NRXN3: variants seen among roughly 807,000 people sequenced by gnomAD.
The protein encoded by NRXN3 is neurexin 3, also known as neurexin III.
A neutral mutation model predicts 137.6 loss-of-function variants in NRXN3; 32 were observed. The ratio of observed to expected loss-of-function variants is 0.23; its 90% CI spans 0.18 to 0.31. NRXN3 has a LOEUF of 0.31. Ranked by LOEUF, NRXN3 falls within the 10% of genes least tolerant of loss-of-function variation. The pLI, the probability that NRXN3 is intolerant of heterozygous loss-of-function variation, is 1.00. For synonymous variants in NRXN3, 798 were observed against 784.5 expected, an observed-to-expected ratio of 1.02 and a Z score of -0.29; for missense variants, 1,574 against 2,062.5, an observed-to-expected ratio of 0.76 and a Z score of 4.59.
At chr14:78,252,549 G>C (rs1022633885) in intron 2 of NRXN3, among the ~76,000 whole-genome samples, 1 of 152,120 alleles carries the variant, frequency 6.6e-6, no homozygotes. Context: ...CTATTCATCC[G>C]ATCCTCTCCT....
intron 15 of NRXN3, among the ~76,000 whole-genome samples, chr14:79,286,586 T>A (rs1354716782): frequency 1.3e-5 from 2 of 149,780 alleles, no homozygotes. Flanking sequence ...CTGGTTGTTC[T>A]AAATCCTAAG....
intron 20 of NRXN3, chr14:79,853,546 C>T (rs2099396332): frequency 1.5e-6 from 2 of 1,349,970 alleles, no homozygotes; most frequent in Non-Finnish European, 2.0e-6. Flanking sequence ...CAGCCAGAAG[C>T]TCTAATGCAG....
chr14:79,087,917 C>T (rs1384436705), intron 15 of NRXN3, among the ~76,000 whole-genome samples: 1 of 152,144 alleles, frequency 6.6e-6, no homozygotes, highest in Admixed American at 6.6e-5. Flanking sequence ...GAGAATTAAT[C>T]GCCTGCTTGT....
At chr14:78,536,949 T>C (rs2153816733) in intron 4 of NRXN3, among the ~76,000 whole-genome samples, 1 of 152,350 alleles carries the variant, frequency 6.6e-6, no homozygotes, top group Non-Finnish European at 1.5e-5. Flanking sequence ...TCCTTTTTTA[T>C]GGCTGCATAG....
At chr14:78,853,793 C>A (rs1046719390) in intron 10 of NRXN3, among the ~76,000 whole-genome samples, 7 of 152,110 alleles carry the variant, frequency 4.6e-5, no homozygotes, top group African/African-American at 1.7e-4. Context: ...TGACTTCTAC[C>A]CTTCCCTTTT....
At chr14:78,565,090 CTG>C (rs1001168248) in intron 4 of NRXN3, among the ~76,000 whole-genome samples, 35 of 152,170 alleles carry the variant, frequency 2.3e-4, no homozygotes, top group African/African-American at 8.4e-4. Flanking sequence ...TAACTGTGCC[CTG>C]TGTGTTTTTC....
At chr14:79,156,913 A>G (rs965217531) in intron 15 of NRXN3, among the ~76,000 whole-genome samples, 3 of 151,822 alleles carry the variant, frequency 2.0e-5, no homozygotes, top group African/African-American at 7.2e-5. Context: ...GCATGGTAGA[A>G]TGTATAGCAG....
At chr14:79,115,240 G>A (rs544833780) in intron 15 of NRXN3, among the ~76,000 whole-genome samples, 50 of 150,428 alleles carry the variant, frequency 3.3e-4, no homozygotes, top group East Asian at 2.4e-3. Flanking sequence ...CAGGAGAATC[G>A]CTTGAACCTG....
At chr14:79,504,637 TTTTTTA>T (rs1204876958) in intron 16 of NRXN3, among the ~76,000 whole-genome samples, 17 of 61,510 alleles carry the variant, frequency 2.8e-4, no homozygotes, top group Middle Eastern at 0.01. Flanking sequence ...TAAAATGAAG[TTTTTTA>T]TATATATATA....
chr14:79,081,598 A>AGAGT, intron 15 of NRXN3, among the ~76,000 whole-genome samples: 1 of 140,844 alleles, frequency 7.1e-6, no homozygotes, highest in East Asian at 2.1e-4. Context: ...CCTGGGCGAC[A>AGAGT]GAGTGAGACT....
chr14:78,585,010 C>G (rs1466681958), intron 4 of NRXN3, among the ~76,000 whole-genome samples: 1 of 151,966 alleles, frequency 6.6e-6, no homozygotes, highest in African/African-American at 2.4e-5. Flanking sequence ...GCCAAACATA[C>G]AGAGCCCTAG....
chr14:79,303,747 TAAGTA>T (rs1566734672), intron 15 of NRXN3, among the ~76,000 whole-genome samples: 1 of 151,934 alleles, frequency 6.6e-6, no homozygotes, highest in African/African-American at 2.4e-5. Context: ...CCACAGACAA[TAAGTA>T]AAGAAGTGGG....
intron 1 of NRXN3, among the ~76,000 whole-genome samples, chr14:78,182,860 T>C (rs758072595): frequency 6.6e-6 from 1 of 152,172 alleles, no homozygotes; most frequent in African/African-American, 2.4e-5. Flanking sequence ...AAAAAGTTTT[T>C]GGGAGGTTCA....
intron 19 of NRXN3, among the ~76,000 whole-genome samples, chr14:79,736,159 C>T (rs2098941124): frequency 6.6e-6 from 1 of 152,078 alleles, no homozygotes; most frequent in South Asian, 2.1e-4. Flanking sequence ...TCATTAATAC[C>T]CTAGCTGACA....
chr14:79,143,227 G>T (rs1277528987), intron 15 of NRXN3, among the ~76,000 whole-genome samples: 1 of 152,182 alleles, frequency 6.6e-6, no homozygotes, highest in Non-Finnish European at 1.5e-5. Context: ...TGATGAATTA[G>T]ATTGAATTTA....
intron 17 of NRXN3, among the ~76,000 whole-genome samples, chr14:79,679,824 C>T (rs2098660571): frequency 6.6e-6 from 1 of 151,978 alleles, no homozygotes; most frequent in Admixed American, 6.6e-5. Flanking sequence ...TTTTAAAGCC[C>T]TAATTTTAAA....
intron 15 of NRXN3, among the ~76,000 whole-genome samples, chr14:79,033,230 C>T (rs1235821151): frequency 6.6e-6 from 1 of 152,060 alleles, no homozygotes; most frequent in Admixed American, 6.6e-5. Context: ...TAACCTCTAT[C>T]GTACATTTCA....
intron 19 of NRXN3, among the ~76,000 whole-genome samples, chr14:79,698,299 A>G (rs1480774653): frequency 6.6e-6 from 1 of 152,026 alleles, no homozygotes; most frequent in East Asian, 1.9e-4. Flanking sequence ...ATCATATGAA[A>G]AGCTATATCC....
chr14:78,727,569 C>A (rs2098491677), intron 8 of NRXN3, among the ~76,000 whole-genome samples: 1 of 152,030 alleles, frequency 6.6e-6, no homozygotes, highest in African/African-American at 2.4e-5. Flanking sequence ...ATGGGGAAAC[C>A]CCATCTCTCC....
Sources: gnomAD v4.1 joint callset for allele counts (sites outside exome capture counted in the v4.1 genomes callset) on GRCh38, gnomAD v4.1.1 for gene constraint, MANE v1.5 for transcripts, NCBI Gene and HGNC (gene_info 2026-07-23, HGNC 2026-07-21) for gene names.